Variants in PALS2 observed in about 807,000 individuals in gnomAD.
The protein encoded by PALS2 is protein associated with LIN7 2, MAGUK p55 family member.
In PALS2, 27 loss-of-function variants were observed where a neutral mutation model predicts 61.6. The ratio of observed to expected loss-of-function variants is 0.44; its 90% CI spans 0.32 to 0.60. The LOEUF (loss-of-function observed/expected upper bound fraction) is 0.60. Ranked by LOEUF, PALS2 falls within the 20% of genes least tolerant of loss-of-function variation. The pLI is 0.05. For synonymous variants in PALS2, 236 were observed against 218.6 expected (o/e 1.08, Z -0.70); for missense variants, 554 against 639.4 (o/e 0.87, Z 1.44).
chr7:24,644,042 C>T (rs1361251786), intron 3 of PALS2, among the ~76,000 whole-genome samples: 1 of 150,920 alleles, frequency 6.6e-6, no homozygotes, highest in Non-Finnish European at 1.5e-5. Flanking sequence ...AACCATGTAC[C>T]TACTGATGAA....
intron 2 of PALS2, among the ~76,000 whole-genome samples, chr7:24,635,003 G>A (rs1785171465): frequency 6.6e-6 from 1 of 152,158 alleles, no homozygotes; most frequent in Non-Finnish European, 1.5e-5. Context: ...ATGAGGAAAT[G>A]TAAGTACTCC....
intron 1 of PALS2, among the ~76,000 whole-genome samples, chr7:24,622,671 ATTTTCTT>A (rs1784567671): frequency 7.1e-6 from 1 of 141,714 alleles, no homozygotes; most frequent in Admixed American, 7.0e-5. Flanking sequence ...CCTTTTCTTT[ATTTTCTT>A]TTTTCTTTTT....
chr7:24,646,292 T>C (rs1411676969), intron 3 of PALS2, among the ~76,000 whole-genome samples: 1 of 152,210 alleles, frequency 6.6e-6, no homozygotes, highest in African/African-American at 2.4e-5. Flanking sequence ...TGTGGGTTTG[T>C]CATAGATGGC....
At chr7:24,597,783 C>T (rs1783577559) in intron 1 of PALS2, among the ~76,000 whole-genome samples, 1 of 152,074 alleles carries the variant, frequency 6.6e-6, no homozygotes, top group Non-Finnish European at 1.5e-5. Flanking sequence ...TTCAGTAAAT[C>T]ATAGGTGATA....
intron 1 of PALS2, among the ~76,000 whole-genome samples, chr7:24,585,843 C>A (rs10272786): frequency 6.6e-6 from 1 of 152,102 alleles, no homozygotes. Flanking sequence ...GGACTCCAGG[C>A]GCCCGCCACC....
Position 24,692,222 on chromosome 7 carries a change from C to T in PALS2, c.*4608C>T, listed in dbSNP as rs1009189309. On this transcript the variant is annotated 3_prime_UTR_variant, in exon 12 of 12. Transcript: ENST00000222644. ...TCTCATTTCTAAAGTAAGCATGGTT[C>T]ACACCACTTTGGCAATACACTGCAG... 4 of 152,046 alleles carry T rather than the reference C, an allele frequency of 2.6e-5. No homozygotes were observed. The highest frequency in any genetic ancestry group is 9.7e-5 in the African/African-American group (4 of 41,408). The allele number at this position is 152,046 out of a possible 1,614,324, so 9.4% of individuals were successfully genotyped here.
At position 24,603,680 on chromosome 7, in the gene PALS2, A is replaced by G. The variant is rs1783795396; in HGVS notation, c.-2-19986A>G. The stretch of plus-strand genomic sequence containing the variant: ...TTGGCTCAAATGGCTGTTGGAGCAC[A>G]ATATTGGTCCATCATTAAGCTTTAC... On this transcript the variant is annotated intron_variant, in intron 1 of 11. Transcript: ENST00000222644. Among the ~76,000 whole-genome samples, 3 of 152,222 alleles carry G rather than the reference A, an allele frequency of 2.0e-5. No homozygotes were observed. The South Asian group carries it at 6.2e-4, about 32-fold the overall frequency.
rs754133128 is a variant in PALS2, at chr7:24,680,442, T to C, written c.1368T>C (p.Ile456=). ...TSEFMPYVVF[I]AAPELETLRA... The stretch of plus-strand genomic sequence containing the variant: ...AGTTTATGCCCTATGTGGTATTTAT[T>C]GCGGCTCCGGAGCTAGAGACGTTAC... The change falls in exon 11 of 12, where the codon ATT becomes ATC. Residue 456 remains isoleucine (I), a synonymous_variant. Coordinates refer to ENST00000222644, the MANE Select transcript of PALS2 (RefSeq NM_001303037.2). The C allele has an allele frequency of 6.2e-7, 1 of 1,613,846 alleles. No homozygotes were observed. Among genetic ancestry groups the C allele is most frequent in the Admixed American group, 1.7e-5 (1 of 60,022 alleles).
At chr7:24,580,841 A>G (rs1243714074) in intron 1 of PALS2, among the ~76,000 whole-genome samples, 3 of 152,234 alleles carry the variant, frequency 2.0e-5, no homozygotes, top group Admixed American at 1.3e-4. Flanking sequence ...ATTTGATAAT[A>G]TTATAGATAC....
At chr7:24,583,367 T>A (rs1018190210) in intron 1 of PALS2, among the ~76,000 whole-genome samples, 5 of 152,156 alleles carry the variant, frequency 3.3e-5, no homozygotes, top group African/African-American at 1.2e-4. Context: ...ATTAAGCTCT[T>A]GAAAACAACT....
intron 1 of PALS2, among the ~76,000 whole-genome samples, chr7:24,620,832 G>A (rs1025526591): frequency 2.0e-5 from 3 of 152,112 alleles, no homozygotes; most frequent in African/African-American, 7.2e-5. Context: ...AGTTATATAA[G>A]GTAGAAAGTA....
intron 9 of PALS2, among the ~76,000 whole-genome samples, chr7:24,677,099 G>T (rs1261396540): frequency 6.6e-6 from 1 of 151,464 alleles, no homozygotes; most frequent in Non-Finnish European, 1.5e-5. Context: ...CACATCCCTT[G>T]TAAGTTGGAT....
rs563140617 is a variant in PALS2, at chr7:24,660,155, A to C, written c.652-3435A>C. Among the ~76,000 whole-genome samples, 3 of 152,276 alleles carry C rather than the reference A, an allele frequency of 2.0e-5. No individual in the cohort carries two copies. The East Asian group carries it at 5.8e-4, about 29-fold the overall frequency. On this transcript the variant is annotated intron_variant, in intron 5 of 11. Coordinates refer to ENST00000222644, the MANE Select transcript of PALS2 (RefSeq NM_001303037.2). ...ATAGTTTTTAGTTGTTTCATGTTGG[A>C]GGGTCCTTGTTACTTCATCTGAATC...
At chr7:24,598,243 A>G (rs1004229294) in intron 1 of PALS2, among the ~76,000 whole-genome samples, 2 of 152,238 alleles carry the variant, frequency 1.3e-5, no homozygotes, top group African/African-American at 4.8e-5. Context: ...GAAAAGTTCT[A>G]CAACATTTGA....
chr7:24,667,616 G>A (rs536340588), intron 8 of PALS2, among the ~76,000 whole-genome samples: 1 of 148,930 alleles, frequency 6.7e-6, no homozygotes, highest in African/African-American at 2.5e-5. Context: ...TCTCTGATAA[G>A]TAAGGATAAA....
chr7:24,603,259 C>G (rs1226735878), intron 1 of PALS2, among the ~76,000 whole-genome samples: 1 of 152,190 alleles, frequency 6.6e-6, no homozygotes, highest in Non-Finnish European at 1.5e-5. Context: ...GCTGAGAAAA[C>G]CAGCAGCTTT....
At chr7:24,641,638 T>C in intron 2 of PALS2, 78 bp from the exon 3 acceptor site, 2 of 1,279,242 alleles carry the variant, frequency 1.6e-6, no homozygotes, top group East Asian at 2.4e-5. Context: ...TTTAAAACTT[T>C]ACGAAAAAGA....
chr7:24,584,055 C>G (rs1314289333), intron 1 of PALS2, among the ~76,000 whole-genome samples: 17 of 149,298 alleles, frequency 1.1e-4, no homozygotes, highest in Non-Finnish European at 2.4e-4. Context: ...TTAATCCAGT[C>G]TATCATTGTT....
At chr7:24,644,008 A>G (rs867208008) in intron 3 of PALS2, among the ~76,000 whole-genome samples, 1 of 152,002 alleles carries the variant, frequency 6.6e-6, no homozygotes, top group Non-Finnish European at 1.5e-5. Flanking sequence ...TTATCTTAAC[A>G]TTATACAAAT....
Sources: gnomAD v4.1 joint callset for allele counts (sites outside exome capture counted in the v4.1 genomes callset) on GRCh38, gnomAD v4.1.1 for gene constraint, MANE v1.5 for transcripts, NCBI Gene and HGNC (gene_info 2026-07-23, HGNC 2026-07-21) for gene names.